The following CNDP2 variants were observed in gnomAD, a reference collection of about 807,000 sequenced individuals.
The protein encoded by CNDP2 is cytosolic non-specific dipeptidase.
In CNDP2, 38 loss-of-function variants were observed where a neutral mutation model predicts 55.0. The observed-to-expected ratio is 0.69, with a 90% CI of 0.53 to 0.90. The LOEUF is 0.90. Ranked by LOEUF, CNDP2 falls within the 40% of genes least tolerant of loss-of-function variation. The pLI is 0.00. For missense variants in CNDP2, 607 were observed against 621.7 expected (o/e 0.98, Z 0.25); for synonymous variants, 241 against 260.2 (o/e 0.93, Z 0.71).
chr18:74,501,191 G>C (rs935506588), intron 2 of CNDP2, 138 bp from the exon 3 acceptor site: 3 of 1,440,416 alleles, frequency 2.1e-6, no homozygotes, highest in Non-Finnish European at 2.7e-6. Context: ...CACGTGATGG[G>C]TCTGTCCTAT....
chr18:74,513,735 C>T lies in CNDP2; in HGVS notation c.903+16C>T, dbSNP rs1020994971. The T allele has an allele frequency of 1.1e-5, 17 of 1,610,174 alleles. No individual in the cohort carries two copies. Among genetic ancestry groups the T allele is most frequent in the East Asian group, 2.2e-5 (1 of 44,732 alleles). On this transcript the variant is annotated intron_variant, in intron 8 of 11. Coordinates refer to ENST00000324262, the MANE Select transcript of CNDP2 (RefSeq NM_018235.3). The stretch of plus-strand genomic sequence containing the variant: ...CAGCCACAAGGTCTGGTTCAGGGCT[C>T]GACTCTGCCACCTGCCCAGGCCACG...
In CNDP2 at chr18:74,513,776, C is replaced by T; in HGVS notation, c.903+57C>T. 5.1e-6 allele frequency: 8 copies of T among 1,556,664 alleles called. No individual in the cohort carries two copies. The South Asian group carries it at 7.1e-5, about 14-fold the overall frequency. ...CCAGGCCACGCTGTGACACAGGTGT[C>T]CCCCAGGCCCTGTCACCTTCCCTGG... is the stretch of plus-strand genomic sequence containing the variant. On this transcript the variant is annotated intron_variant, in intron 8 of 11. Coordinates refer to ENST00000324262, the MANE Select transcript of CNDP2 (RefSeq NM_018235.3).
At position 74,522,682 on chromosome 18, in the gene CNDP2, T is replaced by A. The variant is rs1268114095; in HGVS notation, c.*2614T>A. 6.6e-6 allele frequency: 1 copy of A among 152,440 alleles called. No individual in the cohort carries two copies. Among genetic ancestry groups the A allele is most frequent in the Non-Finnish European group, 1.5e-5 (1 of 68,222 alleles). 9.4% of individuals were successfully genotyped at this position (152,440 alleles called of 1,614,324 possible). On this transcript the variant is annotated 3_prime_UTR_variant, in exon 12 of 12. Transcript: ENST00000324262. ...CACAGCCAGAAGGCCCTTGCCAGGT[T>A]CCGGTCCCTCCACCTTGGACCTCCC...
At chr18:74,516,583 C>T (rs1231180211) in intron 9 of CNDP2, 191 bp downstream of exon 9, 2 of 632,836 alleles carry the variant, frequency 3.2e-6, no homozygotes, top group Non-Finnish European at 5.2e-6. Context: ...ATGTAAGTGA[C>T]CTTTGTTACT....
chr18:74,518,664 ATGCCGC>A, intron 10 of CNDP2, 24 bp downstream of exon 10: 1 of 1,613,712 alleles, frequency 6.2e-7, no homozygotes, highest in East Asian at 2.2e-5. Flanking sequence ...CTTGTGGATG[ATGCCGC>A]GCAGGGCCCT....
chr18:74,500,974 TA>T (rs1213695969), intron 2 of CNDP2: 1 of 169,238 alleles, frequency 5.9e-6, no homozygotes, highest in Non-Finnish European at 1.3e-5. Flanking sequence ...CATCGGTTTT[TA>T]AGTCATGAGT....
rs1980152618 is a variant in CNDP2, at chr18:74,523,246, C to T, written c.*3178C>T. 6.6e-6 allele frequency: 1 copy of T among 152,234 alleles called. No individual in the cohort carries two copies. Among genetic ancestry groups the T allele is most frequent in the Non-Finnish European group, 1.5e-5 (1 of 68,046 alleles). 9.4% of individuals were successfully genotyped at this position (152,234 alleles called of 1,614,324 possible). On this transcript the variant is annotated 3_prime_UTR_variant, in exon 12 of 12. Transcript: ENST00000324262. ...TTGTAAAACCCTGGACTGAATGGGT[C>T]TGACTAACGGCTGGTTCTGTGAACT...
At chr18:74,518,732 G>A in intron 10 of CNDP2, 92 bp downstream of exon 10, 6 of 1,555,188 alleles carry the variant, frequency 3.9e-6, no homozygotes, top group Non-Finnish European at 5.3e-6. Context: ...AGCTATGTCG[G>A]GGGCGCTGCT....
intron 4 of CNDP2, chr18:74,507,367 G>T (rs1381008384): frequency 1.3e-5 from 2 of 152,694 alleles, no homozygotes; most frequent in Non-Finnish European, 2.9e-5. Flanking sequence ...CCCTTCCCAC[G>T]TTGAAAGCTC....
chr18:74,500,770 G>A (rs892827411), intron 2 of CNDP2, among the ~76,000 whole-genome samples: 1 of 152,196 alleles, frequency 6.6e-6, no homozygotes, highest in Non-Finnish European at 1.5e-5. Flanking sequence ...TAAAATCCGA[G>A]CTCCCTGAGT....
chr18:74,506,681 T>C (rs189151335), intron 4 of CNDP2, among the ~76,000 whole-genome samples: 6 of 152,340 alleles, frequency 3.9e-5, no homozygotes, highest in African/African-American at 1.4e-4. Context: ...CGGTATATGT[T>C]AGTGGCCTCC....
chr18:74,506,147 T>C, intron 4 of CNDP2, 136 bp downstream of exon 4: 1 of 844,054 alleles, frequency 1.2e-6, no homozygotes, highest in Non-Finnish European at 1.6e-6. Context: ...TAAAAATCTT[T>C]TTTTGAGACA....
intron 1 of CNDP2, among the ~76,000 whole-genome samples, chr18:74,499,068 C>T (rs1265465720): frequency 2.0e-5 from 3 of 152,170 alleles, no homozygotes; most frequent in East Asian, 1.9e-4. Context: ...AATGCACAGG[C>T]GTTTGTCTGG....
intron 11 of CNDP2, 79 bp from the exon 12 acceptor site, chr18:74,519,920 G>C (rs911842066): frequency 1.6e-5 from 21 of 1,307,976 alleles, no homozygotes; most frequent in Non-Finnish European, 1.8e-5. Flanking sequence ...GAGTGTGTCT[G>C]GGCTCGGGAG....
chr18:74,512,921 C>T (rs1214186603), intron 7 of CNDP2, among the ~76,000 whole-genome samples: 2 of 152,168 alleles, frequency 1.3e-5, no homozygotes, highest in African/African-American at 2.4e-5. Flanking sequence ...CCATCCAGGT[C>T]CCCCCGCCTG....
rs1397152668 is a variant in CNDP2, at chr18:74,497,470, A to C, written c.-93+1039A>C. The stretch of plus-strand genomic sequence containing the variant: ...GCCACAGCAATTTCTCCTGCCCTCC[A>C]CTAGTCTCAACATTTAAATCATGTT... On this transcript the variant is annotated intron_variant, in intron 1 of 11. Coordinates refer to ENST00000324262, the MANE Select transcript of CNDP2 (RefSeq NM_018235.3). 2.0e-5 allele frequency: 3 copies of C among 152,164 alleles called. No individual in the cohort carries two copies. In the East Asian group the frequency reaches 5.8e-4, roughly 29 times the overall value. The allele number at this position is 152,164 out of a possible 1,614,324, so 9.4% of individuals were successfully genotyped here.
intron 8 of CNDP2, among the ~76,000 whole-genome samples, chr18:74,515,585 T>A (rs987349079): frequency 3.3e-5 from 5 of 152,168 alleles, no homozygotes; most frequent in Non-Finnish European, 7.4e-5. Flanking sequence ...GGAAGCCCCC[T>A]TTGGGGGCAC....
chr18:74,514,202 G>C (rs1461710673), intron 8 of CNDP2, among the ~76,000 whole-genome samples: 1 of 152,174 alleles, frequency 6.6e-6, no homozygotes, highest in Non-Finnish European at 1.5e-5. Context: ...ACTTCTGCGG[G>C]CTCTAGGTTT....
At chr18:74,502,297 C>T (rs150233919) in intron 3 of CNDP2, among the ~76,000 whole-genome samples, 15 of 152,174 alleles carry the variant, frequency 9.9e-5, no homozygotes, top group African/African-American at 3.4e-4. Flanking sequence ...TAAGTACTCA[C>T]GTCATCCATA....
Sources: gnomAD v4.1 joint callset for allele counts (sites outside exome capture counted in the v4.1 genomes callset) on GRCh38, gnomAD v4.1.1 for gene constraint, MANE v1.5 for transcripts, NCBI Gene and HGNC (gene_info 2026-07-23, HGNC 2026-07-21) for gene names.